TRHDE: variants seen among roughly 807,000 people sequenced by gnomAD.
TRHDE encodes thyrotropin releasing hormone degrading enzyme, also known as thyrotropin-releasing hormone-degrading ectoenzyme.
TRHDE carries 72 observed loss-of-function variants against 125.7 expected under a neutral mutation model. The ratio of observed to expected loss-of-function variants is 0.57; its 90% CI spans 0.47 to 0.70. The LOEUF is 0.70. Among genes scored for constraint, TRHDE ranks in the 30% least tolerant of loss-of-function variants. The probability of loss-of-function intolerance (pLI) is 0.00; values close to 1 mark genes in which losing one functional copy is unlikely to be tolerated. For missense variants in TRHDE, 1,110 were observed against 1,327.1 expected (o/e 0.84, Z 2.54); for synonymous variants, 509 against 509.1 (o/e 1.00, Z 0.00).
intron 5 of TRHDE, among the ~76,000 whole-genome samples, chr12:72,494,822 GA>G (rs1389868500): frequency 6.6e-6 from 1 of 152,034 alleles, no homozygotes; most frequent in Non-Finnish European, 1.5e-5. Context: ...ACATTTAAGA[GA>G]GTGAATTCCT....
At chr12:72,279,375 A>AGCAATCATAAT (rs1879610933) in intron 1 of TRHDE, among the ~76,000 whole-genome samples, 1 of 152,072 alleles carries the variant, frequency 6.6e-6, no homozygotes, top group Non-Finnish European at 1.5e-5. Context: ...CCCAACCCCT[A>AGCAATCATAAT]GCAATCATAA....
At chr12:72,096,477 C>T (rs1197608384) in intron 1 of TRHDE, among the ~76,000 whole-genome samples, 1 of 152,154 alleles carries the variant, frequency 6.6e-6, no homozygotes, top group Admixed American at 6.5e-5. Flanking sequence ...AATTCTGAGA[C>T]CAGTGCTACT....
At chr12:72,152,407 G>C (rs897788313) in intron 2 of TRHDE, among the ~76,000 whole-genome samples, 28 of 151,698 alleles carry the variant, frequency 1.8e-4, no homozygotes, top group African/African-American at 6.8e-4. Context: ...CTGCCTCATT[G>C]CCCTGGCCAG....
intron 15 of TRHDE, among the ~76,000 whole-genome samples, chr12:72,634,288 G>A (rs1278567060): frequency 6.6e-6 from 1 of 152,078 alleles, no homozygotes; most frequent in Non-Finnish European, 1.5e-5. Context: ...TGAGAATAGA[G>A]GACACTATGA....
intron 12 of TRHDE, among the ~76,000 whole-genome samples, chr12:72,615,303 T>C (rs1872774725): frequency 6.6e-6 from 1 of 152,166 alleles, no homozygotes; most frequent in Non-Finnish European, 1.5e-5. Context: ...AATATTTCCC[T>C]GTGGTGATGC....
At chr12:72,517,839 G>T (rs1488745689) in intron 6 of TRHDE, among the ~76,000 whole-genome samples, 1 of 151,782 alleles carries the variant, frequency 6.6e-6, no homozygotes, top group East Asian at 1.9e-4. Context: ...ATTCTGGTAT[G>T]TTGTGTCTTT....
chr12:72,245,241 G>T (rs1878553543), intron 2 of TRHDE, among the ~76,000 whole-genome samples: 1 of 145,634 alleles, frequency 6.9e-6, no homozygotes, highest in Non-Finnish European at 1.5e-5. Flanking sequence ...ATGTTTGTGT[G>T]TATGTGTGTG....
At chr12:72,128,249 A>G (rs1191531426) in intron 2 of TRHDE, among the ~76,000 whole-genome samples, 1 of 152,194 alleles carries the variant, frequency 6.6e-6, no homozygotes, top group East Asian at 1.9e-4. Flanking sequence ...AACACATCTT[A>G]AAAGCAAGAA....
chr12:72,501,865 G>A (rs886443522), intron 6 of TRHDE, among the ~76,000 whole-genome samples: 2 of 151,988 alleles, frequency 1.3e-5, no homozygotes, highest in Non-Finnish European at 1.5e-5. Context: ...TTAATATATG[G>A]TGGGTTATTT....
At chr12:72,359,677 G>A (rs976724450) in intron 2 of TRHDE, among the ~76,000 whole-genome samples, 3 of 151,654 alleles carry the variant, frequency 2.0e-5, no homozygotes, top group Non-Finnish European at 3.0e-5. Context: ...ATTATTCCAA[G>A]GGGATAAATG....
chr12:72,341,553 G>A (rs1870088122), intron 2 of TRHDE, among the ~76,000 whole-genome samples: 1 of 152,066 alleles, frequency 6.6e-6, no homozygotes, highest in Non-Finnish European at 1.5e-5. Context: ...AGAGTGCATT[G>A]ATGGTTTTTA....
chr12:72,197,103 A>G (rs1003747421), intron 2 of TRHDE, among the ~76,000 whole-genome samples: 1 of 152,088 alleles, frequency 6.6e-6, no homozygotes, highest in Non-Finnish European at 1.5e-5. Flanking sequence ...ACAAATGATC[A>G]TTCTTTACTC....
At chr12:72,139,719 T>C (rs995913846) in intron 2 of TRHDE, among the ~76,000 whole-genome samples, 1 of 152,170 alleles carries the variant, frequency 6.6e-6, no homozygotes, top group African/African-American at 2.4e-5. Context: ...CAGTTTCATA[T>C]TGAAAATAAA....
At chr12:72,443,337 C>A (rs1478065431) in intron 3 of TRHDE, among the ~76,000 whole-genome samples, 3 of 151,408 alleles carry the variant, frequency 2.0e-5, no homozygotes, top group Non-Finnish European at 4.4e-5. Flanking sequence ...TCTAGAAAGC[C>A]TTTTTTGTGT....
chr12:72,413,376 G>A (rs1383349579), intron 3 of TRHDE, among the ~76,000 whole-genome samples: 2 of 151,608 alleles, frequency 1.3e-5, no homozygotes, highest in Non-Finnish European at 2.9e-5. Context: ...TTGAAATGTG[G>A]CTAATTAAAA....
At chr12:72,439,476 C>G (rs1874897479) in intron 3 of TRHDE, among the ~76,000 whole-genome samples, 1 of 151,620 alleles carries the variant, frequency 6.6e-6, no homozygotes, top group Non-Finnish European at 1.5e-5. Flanking sequence ...CAGTTTCTTT[C>G]ATTCATAGTT....
intron 2 of TRHDE, among the ~76,000 whole-genome samples, chr12:72,242,669 A>G (rs1361508790): frequency 1.3e-5 from 2 of 152,164 alleles, no homozygotes; most frequent in African/African-American, 4.8e-5. Context: ...GAGATCAGGC[A>G]GTGAAAAAAT....
At chr12:72,371,759 T>C (rs1407057370) in intron 2 of TRHDE, among the ~76,000 whole-genome samples, 2 of 152,160 alleles carry the variant, frequency 1.3e-5, no homozygotes, top group African/African-American at 4.8e-5. Context: ...CCATGGTATA[T>C]ATGTGCCACA....
intron 2 of TRHDE, among the ~76,000 whole-genome samples, chr12:72,308,250 G>A (rs1225415522): frequency 6.6e-6 from 1 of 151,998 alleles, no homozygotes; most frequent in Admixed American, 6.6e-5. Flanking sequence ...GCATGTGTGT[G>A]AATGTGAGGA....
Sources: gnomAD v4.1 joint callset for allele counts (sites outside exome capture counted in the v4.1 genomes callset) on GRCh38, gnomAD v4.1.1 for gene constraint, MANE v1.5 for transcripts, NCBI Gene and HGNC (gene_info 2026-07-23, HGNC 2026-07-21) for gene names.